Variants in SOS2 observed in about 807,000 individuals in gnomAD.
The protein encoded by SOS2 is son of sevenless homolog 2.
Under a neutral mutation model 148.2 loss-of-function variants are expected in SOS2, and 65 were observed. The ratio of observed to expected loss-of-function variants is 0.44; its 90% CI spans 0.36 to 0.54. The LOEUF is 0.54. Ranked by LOEUF, SOS2 falls within the 20% of genes least tolerant of loss-of-function variation. The pLI, the probability that SOS2 is intolerant of heterozygous loss-of-function variation, is 0.00. For missense variants in SOS2, 1,341 were observed against 1,590.2 expected, an observed-to-expected ratio of 0.84 and a Z score of 2.67; for synonymous variants, 539 against 537.1, an observed-to-expected ratio of 1.00 and a Z score of -0.05.
In SOS2 at chr14:50,161,466, A is replaced by C; in HGVS notation, c.1196+16T>G. The C allele has an allele frequency of 6.2e-7, 1 of 1,604,890 alleles. No homozygotes were observed. Among genetic ancestry groups the C allele is most frequent in the South Asian group, 1.1e-5 (1 of 88,810 alleles). Reference sequence around the variant, plus strand: ...AGTAAGCAGAGGCATTCACGTTTTCAACACTTTGGAATTACCCAGGTCGAC... The same window carrying C: ...AGTAAGCAGAGGCATTCACGTTTTCCACACTTTGGAATTACCCAGGTCGAC... On this transcript the variant is annotated intron_variant, in intron 9 of 22. Transcript: ENST00000216373.
At chr14:50,135,588 C>G (rs1443040515) in intron 18 of SOS2, among the ~76,000 whole-genome samples, 3 of 140,646 alleles carry the variant, frequency 2.1e-5, no homozygotes, top group Non-Finnish European at 4.6e-5. Flanking sequence ...ACTGGGATAT[C>G]AATTTTAATC....
At chr14:50,185,932 T>C (rs1200228238) in intron 5 of SOS2, among the ~76,000 whole-genome samples, 1 of 152,134 alleles carries the variant, frequency 6.6e-6, no homozygotes, top group Non-Finnish European at 1.5e-5. Flanking sequence ...AGCAGTTAAG[T>C]AATTTGCCCG....
rs751408063 is a variant in SOS2, at chr14:50,118,389, T to G, written c.3954A>C (p.Pro1318=). 6.2e-7 allele frequency: 1 copy of G among 1,613,918 alleles called. No homozygotes were observed. The highest frequency in any genetic ancestry group is 1.7e-5 in the Admixed American group (1 of 59,998). ...TTTCTAGCAAAGGCAGTCTGTACAA[T>G]GGGGGGTGCGAAAGCTCCCGTTTGT... is the stretch of plus-strand genomic sequence containing the variant. ...KTYKRELSHP[P]LYRLPLLENA... The change falls in exon 23 of 23, where the codon CCA becomes CCC. Residue 1318 remains proline (P), a synonymous_variant. Transcript: ENST00000216373.
Position 50,118,348 on chromosome 14 carries a change from T to C in SOS2, c.3995A>G (p.Gln1332Arg). ...AATGACTACATATGGCTAAGGTCATTGGGGAGTTTCTGCATTTTCTAGCAA... is the reference window on the plus strand; with the variant it reads ...AATGACTACATATGGCTAAGGTCATCGGGGAGTTTCTGCATTTTCTAGCAA... Reference protein sequence around the residue: ...LPLLENAETPQ With the variant: ...LPLLENAETPR Residue 1332 changes from glutamine (Q) to arginine (R), a missense_variant, in exon 23 of 23, where the codon CAA becomes CGA. By Grantham distance (43) the Gln-to-Arg change is conservative. Around this residue, in one of 4 missense-constraint regions of SOS2, gnomAD observed 354 missense variants for 347.7 expected, o/e 1.02. Transcript: ENST00000216373. 6.2e-7 allele frequency: 1 copy of C among 1,613,172 alleles called. No homozygotes were observed. Among genetic ancestry groups the C allele is most frequent in the Non-Finnish European group, 8.5e-7 (1 of 1,179,340 alleles).
intron 1 of SOS2, among the ~76,000 whole-genome samples, chr14:50,229,932 C>A (rs1887490543): frequency 6.6e-6 from 1 of 152,138 alleles, no homozygotes; most frequent in Non-Finnish European, 1.5e-5. Context: ...CATTTCTTTC[C>A]CTCTCCTTAC....
intron 11 of SOS2, 117 bp from the exon 12 acceptor site, chr14:50,157,238 T>G: frequency 1.8e-6 from 2 of 1,135,302 alleles, no homozygotes; most frequent in Non-Finnish European, 2.4e-6. Context: ...ACTGTTAAAC[T>G]TCCCTTGAGG....
intron 19 of SOS2, among the ~76,000 whole-genome samples, chr14:50,131,199 C>G (rs1471808099): frequency 1.3e-5 from 2 of 152,072 alleles, no homozygotes; most frequent in Non-Finnish European, 2.9e-5. Context: ...TACATTGATG[C>G]TTTAAAAATC....
At chr14:50,145,684 T>G (rs1309848187) in intron 14 of SOS2, 88 bp from the exon 15 acceptor site, 4 of 793,232 alleles carry the variant, frequency 5.0e-6, no homozygotes, top group African/African-American at 1.7e-5. Context: ...AAAAGACAAT[T>G]AACCCAAAAG....
Position 50,118,154 on chromosome 14 carries a change from C to A in SOS2, c.*190G>T. ...TCCAAGACAAGGCAATGCTACTGAT[C>A]ACCTGAGGATAATGGTGAAGGACTT... On this transcript the variant is annotated 3_prime_UTR_variant, in exon 23 of 23. Transcript: ENST00000216373. 1.8e-6 allele frequency: 1 copy of A among 568,996 alleles called. No individual in the cohort carries two copies. Among genetic ancestry groups the A allele is most frequent in the Non-Finnish European group, 3.1e-6 (1 of 327,538 alleles). The allele number at this position is 568,996 out of a possible 1,614,324, so 35.2% of individuals were successfully genotyped here. A position where few individuals can be genotyped will look rare whatever the true frequency, so the allele number is the denominator to read the frequency against.
At chr14:50,194,677 C>T (rs1886260456) in intron 4 of SOS2, among the ~76,000 whole-genome samples, 1 of 150,950 alleles carries the variant, frequency 6.6e-6, no homozygotes, top group Non-Finnish European at 1.5e-5. Context: ...ACTTGAGAGG[C>T]TGAGGCAGGA....
chr14:50,192,926 A>T (rs1164360187), intron 4 of SOS2, among the ~76,000 whole-genome samples: 1 of 152,132 alleles, frequency 6.6e-6, no homozygotes, highest in Non-Finnish European at 1.5e-5. Flanking sequence ...TACAGAACTC[A>T]ACTGCTAGTA....
intron 1 of SOS2, among the ~76,000 whole-genome samples, chr14:50,229,631 T>C (rs1887482010): frequency 6.6e-6 from 1 of 152,100 alleles, no homozygotes; most frequent in Non-Finnish European, 1.5e-5. Context: ...CAACATAGCA[T>C]AACCCTGTCT....
intron 7 of SOS2, among the ~76,000 whole-genome samples, chr14:50,175,879 A>C (rs1408536391): frequency 6.6e-6 from 1 of 152,240 alleles, no homozygotes; most frequent in East Asian, 1.9e-4. Flanking sequence ...GTTAAATTAT[A>C]ATCTTTTCAA....
At chr14:50,201,483 G>A (rs905865825) in intron 2 of SOS2, among the ~76,000 whole-genome samples, 16 of 144,624 alleles carry the variant, frequency 1.1e-4, no homozygotes, top group African/African-American at 3.9e-4. Flanking sequence ...GCAGCAAGCC[G>A]AGATCATGCC....
chr14:50,182,173 T>A lies in SOS2; in HGVS notation c.858+290A>T, dbSNP rs944240180. On this transcript the variant is annotated intron_variant, in intron 6 of 22. Transcript: ENST00000216373. ...TCTTTTTATAATGGCCAGTGGTATC[T>A]TCTAATTTTCATAAAGAATATCTTA... is the stretch of plus-strand genomic sequence containing the variant. 1.3e-5 allele frequency among the ~76,000 whole-genome samples: 2 copies of A among 152,122 alleles called. 1 individual carries two copies. Among genetic ancestry groups the A allele is most frequent in the South Asian group, 4.1e-4 (2 of 4,828 alleles).
At chr14:50,188,463 G>T in intron 5 of SOS2, 34 bp downstream of exon 5, 1 of 1,381,722 alleles carries the variant, frequency 7.2e-7, no homozygotes, top group Non-Finnish European at 1.0e-6. Flanking sequence ...GTTTTTTGGG[G>T]TACACAGAAT....
Position 50,231,221 on chromosome 14 carries a change from T to G in SOS2, c.63A>C (p.Gly21=), listed in dbSNP as rs761849560. The change falls in exon 1 of 23, where the codon GGA becomes GGC. Residue 21 remains glycine, a synonymous_variant. Coordinates refer to ENST00000216373, the MANE Select transcript of SOS2 (RefSeq NM_006939.4). ...CCTTCCGCAGGGCCGAGACCAACAG[T>G]CCCCGCCATTTCGGACTGTTCTCCT... ...FSEENSPKWR[G]LLVSALRKVQ... 6.7e-7 allele frequency: 1 copy of G among 1,502,002 alleles called. No homozygotes were observed. Among genetic ancestry groups the G allele is most frequent in the Admixed American group, 1.9e-5 (1 of 53,334 alleles). 93.0% of individuals were successfully genotyped at this position (1,502,002 alleles called of 1,614,324 possible). A position where few individuals can be genotyped will look rare whatever the true frequency, so the allele number is the denominator to read the frequency against.
At chr14:50,200,286 G>C (rs1356136051) in intron 3 of SOS2, among the ~76,000 whole-genome samples, 2 of 151,778 alleles carry the variant, frequency 1.3e-5, no homozygotes, top group African/African-American at 4.8e-5. Flanking sequence ...GGCGGGGGGG[G>C]CTTGAATTTG....
intron 1 of SOS2, among the ~76,000 whole-genome samples, chr14:50,230,066 G>A (rs542165686): frequency 1.3e-5 from 2 of 152,312 alleles, no homozygotes; most frequent in South Asian, 4.1e-4. Context: ...ACGACTTAGT[G>A]TTTGCCCTGA....
Sources: allele counts gnomAD v4.1 joint callset (sites outside exome capture counted in the v4.1 genomes callset), GRCh38; gene constraint gnomAD v4.1.1; regional missense constraint gnomAD v4.1.1; transcripts MANE v1.5; gene names NCBI Gene and HGNC (gene_info 2026-07-23, HGNC 2026-07-21).